CTNNA2: variants seen among roughly 807,000 people sequenced by gnomAD.
CTNNA2 encodes the protein catenin alpha-2.
A neutral mutation model predicts 101.0 loss-of-function variants in CTNNA2; 42 were observed. The observed-to-expected ratio is 0.42, with a 90% CI of 0.32 to 0.54. The LOEUF (loss-of-function observed/expected upper bound fraction) is 0.54, where lower values mean the gene tolerates loss of function less well. Among genes scored for constraint, CTNNA2 ranks in the 20% least tolerant of loss-of-function variants. The pLI, the probability that CTNNA2 is intolerant of heterozygous loss-of-function variation, is 0.14. For missense variants in CTNNA2, 871 were observed against 1,223.1 expected (o/e 0.71, Z 4.29); for synonymous variants, 450 against 456.4 (o/e 0.99, Z 0.18).
chr2:79,393,965 T>G (rs554536279), intron 4 of CTNNA2, among the ~76,000 whole-genome samples: 24 of 152,142 alleles, frequency 1.6e-4, no homozygotes, highest in African/African-American at 4.8e-4. Context: ...GCCACTGACC[T>G]GAGTCATTTA....
chr2:79,486,606 G>A (rs1671160837), intron 4 of CTNNA2, among the ~76,000 whole-genome samples: 1 of 152,014 alleles, frequency 6.6e-6, no homozygotes, highest in Admixed American at 6.6e-5. Context: ...GGGATGGCTG[G>A]GTCAAATGCT....
At chr2:80,043,216 T>C (rs1426846582) in intron 7 of CTNNA2, among the ~76,000 whole-genome samples, 1 of 146,640 alleles carries the variant, frequency 6.8e-6, no homozygotes, top group Non-Finnish European at 1.5e-5. Context: ...CTTTTTTTTT[T>C]TTTCAGAGTC....
At chr2:80,638,352 T>G (rs950759240) in intron 18 of CTNNA2, among the ~76,000 whole-genome samples, 1 of 152,160 alleles carries the variant, frequency 6.6e-6, no homozygotes, top group Non-Finnish European at 1.5e-5. Context: ...GCCCATTGGC[T>G]CTTCTCTTTG....
intron 3 of CTNNA2, among the ~76,000 whole-genome samples, chr2:79,791,980 T>G (rs1186974965): frequency 6.6e-6 from 1 of 152,236 alleles, no homozygotes; most frequent in African/African-American, 2.4e-5. Flanking sequence ...ATTGAATTTC[T>G]TAAGAGTCAG....
intron 7 of CTNNA2, among the ~76,000 whole-genome samples, chr2:80,050,338 G>A (rs997150696): frequency 6.6e-6 from 1 of 152,190 alleles, no homozygotes; most frequent in Non-Finnish European, 1.5e-5. Flanking sequence ...CTGAGTCAGC[G>A]TGTTCCTTCC....
At chr2:80,280,749 T>C (rs1236939318) in intron 7 of CTNNA2, among the ~76,000 whole-genome samples, 2 of 152,120 alleles carry the variant, frequency 1.3e-5, no homozygotes, top group Non-Finnish European at 2.9e-5. Flanking sequence ...TGATGAAATC[T>C]TGCACTGTCC....
chr2:79,332,223 G>A (rs1427337956), intron 3 of CTNNA2, among the ~76,000 whole-genome samples: 3 of 150,888 alleles, frequency 2.0e-5, no homozygotes, highest in East Asian at 3.9e-4. Flanking sequence ...ATAAAGGATA[G>A]TATTTATATA....
intron 2 of CTNNA2, among the ~76,000 whole-genome samples, chr2:79,671,929 C>T (rs13384134): frequency 0.21 from 31,898 of 151,972 alleles, 3,715 homozygotes; most frequent in Admixed American, 0.26. Flanking sequence ...ACATGTATAG[C>T]GGAACATAAA....
chr2:79,651,255 A>T (rs1045041864), intron 1 of CTNNA2, among the ~76,000 whole-genome samples: 5 of 152,164 alleles, frequency 3.3e-5, no homozygotes, highest in African/African-American at 7.2e-5. Context: ...AGCATATAGC[A>T]GATAGGTATG....
intron 3 of CTNNA2, among the ~76,000 whole-genome samples, chr2:79,834,267 A>G (rs1238256069): frequency 2.0e-5 from 3 of 151,982 alleles, no homozygotes; most frequent in Non-Finnish European, 4.4e-5. Flanking sequence ...AGTATAATTG[A>G]TGAGTTCTAG....
chr2:80,638,321 T>C (rs1048956692), intron 18 of CTNNA2, among the ~76,000 whole-genome samples: 3 of 114,488 alleles, frequency 2.6e-5, no homozygotes, highest in Admixed American at 8.8e-5. Flanking sequence ...TATTTCCCAA[T>C]TATGGGGGGG....
At chr2:80,356,945 A>G (rs1673873009) in intron 7 of CTNNA2, among the ~76,000 whole-genome samples, 1 of 152,210 alleles carries the variant, frequency 6.6e-6, no homozygotes, top group Non-Finnish European at 1.5e-5. Context: ...AGGCCTAGCG[A>G]GGAGTCATAT....
At chr2:79,255,027 A>G (rs1674826231) in intron 2 of CTNNA2, among the ~76,000 whole-genome samples, 1 of 152,180 alleles carries the variant, frequency 6.6e-6, no homozygotes, top group African/African-American at 2.4e-5. Context: ...CCAGAACCTG[A>G]GAGAGGGTAT....
At chr2:80,577,474 C>G (rs937794844) in intron 13 of CTNNA2, among the ~76,000 whole-genome samples, 4 of 152,018 alleles carry the variant, frequency 2.6e-5, no homozygotes, top group Admixed American at 2.6e-4. Context: ...GACCTAAGGA[C>G]CTTATTGAAT....
intron 11 of CTNNA2, among the ~76,000 whole-genome samples, chr2:80,549,771 G>A (rs1053099599): frequency 2.0e-5 from 3 of 151,972 alleles, no homozygotes; most frequent in Admixed American, 1.3e-4. Context: ...CTTCTCAATG[G>A]GCATGTTCAT....
chr2:80,606,756 A>G lies in CTNNA2; in HGVS notation c.2296-1428A>G, dbSNP rs544449879. Reference sequence around the variant, plus strand: ...TTTTGCCGGAAAATATTTTATAAAGATTTGAGATATGCATGCCATATAAAC... The same window carrying G: ...TTTTGCCGGAAAATATTTTATAAAGGTTTGAGATATGCATGCCATATAAAC... On this transcript the variant is annotated intron_variant, in intron 16 of 18. Transcript: ENST00000402739. Among the ~76,000 whole-genome samples the G allele has an allele frequency of 6.3e-4, 96 of 152,016 alleles. 2 individuals carry two copies. In the South Asian group the frequency reaches 0.019, roughly 31 times the overall value.
chr2:79,272,866 T>A (rs1313562705), intron 2 of CTNNA2, among the ~76,000 whole-genome samples: 1 of 152,102 alleles, frequency 6.6e-6, no homozygotes, highest in African/African-American at 2.4e-5. Flanking sequence ...TTTACACTCA[T>A]CCCTATTTCA....
At chr2:80,194,483 A>G (rs1706711126) in intron 7 of CTNNA2, among the ~76,000 whole-genome samples, 1 of 146,826 alleles carries the variant, frequency 6.8e-6, no homozygotes, top group African/African-American at 2.7e-5. Context: ...TATATTTTAC[A>G]TGATGTGATA....
At chr2:79,639,548 T>C (rs972180657) in intron 1 of CTNNA2, among the ~76,000 whole-genome samples, 1 of 152,234 alleles carries the variant, frequency 6.6e-6, no homozygotes, top group Non-Finnish European at 1.5e-5. Context: ...TAATGCATTC[T>C]GGACATAAGT....
Sources: gnomAD v4.1 joint callset for allele counts (sites outside exome capture counted in the v4.1 genomes callset) on GRCh38, gnomAD v4.1.1 for gene constraint, MANE v1.5 for transcripts, NCBI Gene and HGNC (gene_info 2026-07-23, HGNC 2026-07-21) for gene names.